The following CHD5 variants were observed in gnomAD, a reference collection of about 807,000 sequenced individuals.
The protein encoded by CHD5 is chromodomain helicase DNA binding protein 5, also known as ATP-dependent chromatin remodeler CHD5.
Under a neutral mutation model 230.3 loss-of-function variants are expected in CHD5, and 69 were observed. The observed-to-expected ratio is 0.30, with a 90% CI of 0.25 to 0.37. The LOEUF (loss-of-function observed/expected upper bound fraction) is 0.37, where lower values mean the gene tolerates loss of function less well. Ranked by LOEUF, CHD5 falls within the 10% of genes least tolerant of loss-of-function variation. The pLI, the probability that CHD5 is intolerant of heterozygous loss-of-function variation, is 1.00. For synonymous variants in CHD5, 1,064 were observed against 1,065.9 expected (o/e 1.00, Z 0.03); for missense variants, 1,827 against 2,622.8 (o/e 0.70, Z 6.63).
In CHD5 at chr1:6,149,159, C is replaced by T; in HGVS notation, c.1162-84G>A. ...ACTCCCTCCCTCCCCTACAGCATCTCCCCGCATTCTGCCCCCAAATGAGGG... is the reference window on the plus strand; with the variant it reads ...ACTCCCTCCCTCCCCTACAGCATCTTCCCGCATTCTGCCCCCAAATGAGGG... On this transcript the variant is annotated intron_variant, in intron 8 of 41. Transcript: ENST00000262450. The T allele has an allele frequency of 2.0e-6, 3 of 1,470,148 alleles. No homozygotes were observed. In the South Asian group the frequency reaches 4.2e-5, roughly 20 times the overall value. The allele number at this position is 1,470,148 out of a possible 1,614,324, so 91.1% of individuals were successfully genotyped here. A position where few individuals can be genotyped will look rare whatever the true frequency, so the allele number is the denominator to read the frequency against.
chr1:6,180,308 A>AGGCACGGC lies in CHD5; in HGVS notation c.-293_-286dup, dbSNP rs1383071182. 8.7e-5 allele frequency among the ~76,000 whole-genome samples: 13 copies of AGGCACGGC among 150,046 alleles called. No individual in the cohort carries two copies. The highest frequency in any genetic ancestry group is 1.2e-4 in the African/African-American group (5 of 40,558). ...CCGAGGGTGGCGGCGGCAGCGCCAG[A>AGGCACGGC]GGCACGGCGGCACGGCGGGGGGGCG... On this transcript the variant is annotated 5_prime_UTR_variant, in exon 1 of 42. Transcript: ENST00000262450.
At position 6,134,330 on chromosome 1, in the gene CHD5, G is replaced by T. The variant is rs1010749867; in HGVS notation, c.3013-71C>A. 9.0e-6 allele frequency: 14 copies of T among 1,550,776 alleles called. No homozygotes were observed. The highest frequency in any genetic ancestry group is 1.1e-5 in the Non-Finnish European group (13 of 1,138,642). On this transcript the variant is annotated intron_variant, in intron 19 of 41. Coordinates refer to ENST00000262450, the MANE Select transcript of CHD5 (RefSeq NM_015557.3). This position sits in a 1 kb window ranked among gnomAD's most constrained non-coding sequence, Gnocchi z 6.3. ...TCTCTGACTCTGCACCAAAGGGGCCGCAGGGAACAGACAAGTGCTGAGCAA... is the reference window on the plus strand; with the variant it reads ...TCTCTGACTCTGCACCAAAGGGGCCTCAGGGAACAGACAAGTGCTGAGCAA...
chr1:6,173,108 C>CTT (rs371953368), intron 1 of CHD5, among the ~76,000 whole-genome samples: 5 of 138,100 alleles, frequency 3.6e-5, no homozygotes, highest in South Asian at 2.4e-4. Context: ...GGCGTTATTT[C>CTT]TTTTTTTTTT....
At chr1:6,149,969 G>C (rs952009927) in intron 7 of CHD5, among the ~76,000 whole-genome samples, 14 of 149,372 alleles carry the variant, frequency 9.4e-5, no homozygotes, top group African/African-American at 3.2e-4. Flanking sequence ...TGAATGGATG[G>C]GCAAATGAAT....
intron 1 of CHD5, among the ~76,000 whole-genome samples, chr1:6,169,548 C>T (rs1466822803): frequency 1.3e-5 from 2 of 152,238 alleles, no homozygotes; most frequent in Non-Finnish European, 2.9e-5. Context: ...GGGTCTGACG[C>T]TCATCTGGGA....
At chr1:6,160,676 C>T (rs1667162497) in intron 2 of CHD5, among the ~76,000 whole-genome samples, 1 of 152,278 alleles carries the variant, frequency 6.6e-6, no homozygotes, top group Admixed American at 6.5e-5. Context: ...CTATGGATGG[C>T]ACAAGCCCAC....
intron 1 of CHD5, among the ~76,000 whole-genome samples, chr1:6,174,509 G>GTGGGTGGATGGATGGATGGA (rs1667389156): frequency 2.2e-5 from 3 of 137,984 alleles, no homozygotes; most frequent in African/African-American, 3.3e-5. Flanking sequence ...TGGATGGATG[G>GTGGGTGGATGGATGGATGGA]TGGGTGGATG....
chr1:6,136,669 G>A, intron 16 of CHD5, 31 bp from the exon 17 acceptor site: 3 of 1,612,934 alleles, frequency 1.9e-6, no homozygotes, highest in Non-Finnish European at 2.5e-6. Flanking sequence ...CCTGTCAGGG[G>A]GCTCTGGGCG....
chr1:6,108,921 G>GATGGAGGA (rs1328294860), intron 38 of CHD5, among the ~76,000 whole-genome samples: 9 of 151,880 alleles, frequency 5.9e-5, no homozygotes, highest in African/African-American at 2.2e-4. Context: ...GGCATGGAGG[G>GATGGAGGA]ATGGAGGGAT....
intron 1 of CHD5, among the ~76,000 whole-genome samples, chr1:6,168,636 T>G (rs542134379): frequency 6.6e-6 from 1 of 151,770 alleles, no homozygotes; most frequent in Non-Finnish European, 1.5e-5. Context: ...CAGGAAGGAG[T>G]TGGGGCTGAT....
chr1:6,141,536 G>T (rs9435097), intron 15 of CHD5, among the ~76,000 whole-genome samples: 11,231 of 149,156 alleles, frequency 0.075, 649 homozygotes, highest in East Asian at 0.3. Flanking sequence ...AACCACTTGA[G>T]CCCAGGACGG....
At chr1:6,168,392 T>G in intron 1 of CHD5, 115 bp from the exon 2 acceptor site, 1 of 1,298,296 alleles carries the variant, frequency 7.7e-7, no homozygotes, top group Non-Finnish European at 1.0e-6. Flanking sequence ...CTGTGCCAGG[T>G]CACAGCTGCC....
chr1:6,173,676 T>C (rs1005691789), intron 1 of CHD5, among the ~76,000 whole-genome samples: 3 of 152,036 alleles, frequency 2.0e-5, no homozygotes, highest in African/African-American at 4.8e-5. Context: ...GGCTCAGCAA[T>C]GGCAGGCAGA....
chr1:6,108,203 G>A (rs186863812), intron 38 of CHD5, among the ~76,000 whole-genome samples: 48 of 147,550 alleles, frequency 3.3e-4, no homozygotes, highest in Non-Finnish European at 6.8e-4. Flanking sequence ...GTGGAGAGAT[G>A]GAGGGATGAT....
At chr1:6,159,214 G>A (rs1667128555) in intron 3 of CHD5, 122 bp downstream of exon 3, 2 of 1,462,286 alleles carry the variant, frequency 1.4e-6, no homozygotes, top group Non-Finnish European at 1.8e-6. Context: ...CCTGGCAACA[G>A]AGTGAGACTC....
chr1:6,111,937 A>T (rs1259932494), intron 35 of CHD5, 54 bp from the exon 36 acceptor site: 1 of 1,540,352 alleles, frequency 6.5e-7, no homozygotes, highest in East Asian at 2.3e-5. Flanking sequence ...TCTCACGCAC[A>T]GGCAGGCTTG....
intron 2 of CHD5, 130 bp downstream of exon 2, chr1:6,168,020 T>C: frequency 8.7e-7 from 1 of 1,149,522 alleles, no homozygotes; most frequent in Non-Finnish European, 1.2e-6. Flanking sequence ...TATGGTGTTT[T>C]TCATCAAACT....
At chr1:6,170,710 G>C (rs897776156) in intron 1 of CHD5, among the ~76,000 whole-genome samples, 1 of 152,266 alleles carries the variant, frequency 6.6e-6, no homozygotes, top group South Asian at 2.1e-4. Context: ...AGGGGCAGGG[G>C]CTGGGCTGCT....
intron 38 of CHD5, among the ~76,000 whole-genome samples, chr1:6,108,318 GAGGGATGA>G (rs1455376300): frequency 1.3e-5 from 2 of 149,018 alleles, no homozygotes; most frequent in East Asian, 4.1e-4. Flanking sequence ...TGGAGAGACG[GAGGGATGA>G]AGGGATGAAG....
Sources: gnomAD v4.1 joint callset for allele counts (sites outside exome capture counted in the v4.1 genomes callset) on GRCh38, gnomAD v4.1.1 for gene constraint, Gnocchi (gnomAD v3.1) non-coding constraint, MANE v1.5 for transcripts, NCBI Gene and HGNC (gene_info 2026-07-23, HGNC 2026-07-21) for gene names.